The following ASTN2 variants were observed in gnomAD, a reference collection of about 807,000 sequenced individuals.
ASTN2 encodes astrotactin 2.
Under a neutral mutation model 139.8 loss-of-function variants are expected in ASTN2, and 54 were observed. That is an observed-to-expected ratio of 0.39 (90% confidence interval 0.31 to 0.48). The LOEUF (loss-of-function observed/expected upper bound fraction) is 0.48, where lower values mean the gene tolerates loss of function less well. ASTN2 is among the 20% of genes least tolerant of loss of function. The pLI is 0.95. For missense variants in ASTN2, 1,565 were observed against 1,725.1 expected (o/e 0.91, Z 1.64); for synonymous variants, 756 against 719.5 (o/e 1.05, Z -0.81).
At chr9:116,723,284 T>G (rs1262720206) in intron 16 of ASTN2, among the ~76,000 whole-genome samples, 1 of 152,214 alleles carries the variant, frequency 6.6e-6, no homozygotes. Flanking sequence ...ATGTACCTAC[T>G]ATGTACCAGA....
intron 19 of ASTN2, chr9:116,611,086 A>G (rs1475223541): frequency 6.6e-6 from 1 of 152,200 alleles, no homozygotes; most frequent in Non-Finnish European, 1.5e-5. Flanking sequence ...TCATAAAAAC[A>G]TATTTTCTGA....
chr9:117,185,030 G>A (rs1273399628), intron 3 of ASTN2, among the ~76,000 whole-genome samples: 1 of 152,120 alleles, frequency 6.6e-6, no homozygotes, highest in Non-Finnish European at 1.5e-5. Context: ...GTCCACGATT[G>A]AGGCACTGTA....
intron 4 of ASTN2, among the ~76,000 whole-genome samples, chr9:117,106,870 A>T (rs2132777108): frequency 6.6e-6 from 1 of 152,244 alleles, no homozygotes; most frequent in East Asian, 1.9e-4. Flanking sequence ...TATATACCTG[A>T]CAGCTTTTTC....
intron 1 of ASTN2, among the ~76,000 whole-genome samples, chr9:117,413,798 G>A: frequency 6.6e-6 from 1 of 152,186 alleles, no homozygotes; most frequent in East Asian, 1.9e-4. Context: ...CCTGGAGGTG[G>A]GTAGAAAGGG....
chr9:116,565,355 C>G, intron 19 of ASTN2, among the ~76,000 whole-genome samples: 1 of 21,710 alleles, frequency 4.6e-5, no homozygotes, highest in Non-Finnish European at 7.5e-5. Flanking sequence ...CACTGTTTCT[C>G]TCTCTCTCTC....
At chr9:117,188,694 A>G (rs1439348732) in intron 3 of ASTN2, among the ~76,000 whole-genome samples, 1 of 152,196 alleles carries the variant, frequency 6.6e-6, no homozygotes, top group Non-Finnish European at 1.5e-5. Flanking sequence ...GCATGCATAG[A>G]TGAGAATAAA....
rs146047983 is a variant in ASTN2 at position 117,055,878 on chromosome 9, T to C, written c.1277-15913A>G. On this transcript the variant is annotated intron_variant, in intron 5 of 22. Transcript: ENST00000313400. ...ATCCAATGCAAGAAGGTAAATGTTA[T>C]GCAATGCCACTTCCAAGGTTAGGTT... Among the ~76,000 whole-genome samples, 185 of 152,378 alleles carry C rather than the reference T, an allele frequency of 1.2e-3. 1 individual carries two copies. Among genetic ancestry groups the C allele is most frequent in the Non-Finnish European group, 1.9e-3 (131 of 68,046 alleles).
At chr9:116,587,906 T>G (rs1474916733) in intron 19 of ASTN2, among the ~76,000 whole-genome samples, 1 of 152,216 alleles carries the variant, frequency 6.6e-6, no homozygotes, top group Non-Finnish European at 1.5e-5. Context: ...TCCTTATTAT[T>G]CTTCCAGTCT....
At chr9:116,738,209 T>A (rs1004280445) in intron 13 of ASTN2, among the ~76,000 whole-genome samples, 1 of 138,448 alleles carries the variant, frequency 7.2e-6, no homozygotes, top group Non-Finnish European at 1.6e-5. Context: ...AAAAAAAGAC[T>A]ACATATTGGG....
intron 1 of ASTN2, among the ~76,000 whole-genome samples, chr9:117,310,745 C>T (rs1213026601): frequency 1.3e-5 from 2 of 152,134 alleles, no homozygotes; most frequent in African/African-American, 2.4e-5. Flanking sequence ...AATCCTCGCA[C>T]CTCAGCCACC....
chr9:116,452,208 T>C (rs186965933), intron 20 of ASTN2, among the ~76,000 whole-genome samples: 47 of 152,312 alleles, frequency 3.1e-4, no homozygotes, highest in Admixed American at 5.9e-4. Flanking sequence ...CTGAAGCAAA[T>C]TGTAGGCTTT....
At chr9:116,976,226 G>T (rs1216595890) in intron 8 of ASTN2, 38 bp from the exon 9 acceptor site, 1 of 1,575,508 alleles carries the variant, frequency 6.3e-7, no homozygotes. Flanking sequence ...GATGACATTA[G>T]TCAGAGGCAG....
rs1256092229 is a variant in ASTN2, at chr9:117,126,445, T to C, written c.1168+14881A>G. Among the ~76,000 whole-genome samples, 5 of 152,296 alleles carry C rather than the reference T, an allele frequency of 3.3e-5. No homozygotes were observed. The East Asian group carries it at 9.6e-4, about 29-fold the overall frequency. On this transcript the variant is annotated intron_variant, in intron 4 of 22. Coordinates refer to ENST00000313400, the MANE Select transcript of ASTN2 (RefSeq NM_001365068.1). ...TTACAAAGTAAGGGTTAGAGAAAGGTTGTTACAGTAATACATGTGAAACTC... is the reference window on the plus strand; with the variant it reads ...TTACAAAGTAAGGGTTAGAGAAAGGCTGTTACAGTAATACATGTGAAACTC...
chr9:116,531,840 CTT>C (rs1213367976), intron 19 of ASTN2, among the ~76,000 whole-genome samples: 1 of 152,184 alleles, frequency 6.6e-6, no homozygotes, highest in Admixed American at 6.5e-5. Flanking sequence ...GTGCATGTGT[CTT>C]TATAGCAGCA....
Position 117,190,903 on chromosome 9 carries a change from A to G in ASTN2, c.1015+23455T>C, listed in dbSNP as rs77563471. 2.8e-3 allele frequency among the ~76,000 whole-genome samples: 425 copies of G among 152,242 alleles called. 8 individuals are homozygous for G. The East Asian group carries it at 0.057, about 20-fold the overall frequency. ...TATAGTCTTTCTGTGCTAGAAAGAA[A>G]CTGCTATAGAAATTGACTTGCATAT... On this transcript the variant is annotated intron_variant, in intron 3 of 22. Coordinates refer to ENST00000313400, the MANE Select transcript of ASTN2 (RefSeq NM_001365068.1).
At chr9:116,432,949 A>G (rs569824899) in intron 22 of ASTN2, among the ~76,000 whole-genome samples, 1 of 151,940 alleles carries the variant, frequency 6.6e-6, no homozygotes, top group African/African-American at 2.4e-5. Context: ...AGGAAGGAAG[A>G]AAGGAAGGAA....
At chr9:116,738,695 T>C (rs552550151) in intron 13 of ASTN2, among the ~76,000 whole-genome samples, 2 of 152,270 alleles carry the variant, frequency 1.3e-5, no homozygotes, top group South Asian at 4.1e-4. Context: ...TCCCACTTTA[T>C]AGACAAAGAA....
At chr9:116,481,079 C>T (rs1849152589) in intron 20 of ASTN2, among the ~76,000 whole-genome samples, 1 of 152,150 alleles carries the variant, frequency 6.6e-6, no homozygotes, top group African/African-American at 2.4e-5. Context: ...TATTATGATT[C>T]AGTTTTATAG....
At chr9:116,559,164 A>G (rs908478017) in intron 19 of ASTN2, among the ~76,000 whole-genome samples, 2 of 152,102 alleles carry the variant, frequency 1.3e-5, no homozygotes, top group Non-Finnish European at 2.9e-5. Flanking sequence ...CTCCTCTTCC[A>G]TATGTGTTAA....
Sources: gnomAD v4.1 joint callset for allele counts (sites outside exome capture counted in the v4.1 genomes callset) on GRCh38, gnomAD v4.1.1 for gene constraint, MANE v1.5 for transcripts, NCBI Gene and HGNC (gene_info 2026-07-23, HGNC 2026-07-21) for gene names.